Variants in MSRB3 observed in about 807,000 individuals in gnomAD.
MSRB3 encodes methionine sulfoxide reductase B3.
A neutral mutation model predicts 21.0 loss-of-function variants in MSRB3; 13 were observed. The ratio of observed to expected loss-of-function variants is 0.62; its 90% CI spans 0.40 to 0.98. The LOEUF (loss-of-function observed/expected upper bound fraction) is 0.98. Ranked by LOEUF, MSRB3 falls within the 50% of genes least tolerant of loss-of-function variation. The pLI is 0.00. For synonymous variants in MSRB3, 87 were observed against 88.6 expected (o/e 0.98, Z 0.10); for missense variants, 199 against 230.3 (o/e 0.86, Z 0.88).
At chr12:65,295,208 A>G (rs56277068) in intron 1 of MSRB3, among the ~76,000 whole-genome samples, 6,400 of 152,230 alleles carry the variant, frequency 0.042, 434 homozygotes, top group African/African-American at 0.15. Flanking sequence ...TAAAAACATC[A>G]TTGAGCCTTA....
intron 2 of MSRB3, among the ~76,000 whole-genome samples, chr12:65,312,160 G>A (rs1874027903): frequency 6.6e-6 from 1 of 152,006 alleles, no homozygotes; most frequent in South Asian, 2.1e-4. Context: ...TCATCTTTAT[G>A]AGGAATTAAA....
chr12:65,455,247 A>G (rs1322681202), intron 6 of MSRB3, among the ~76,000 whole-genome samples: 2 of 145,198 alleles, frequency 1.4e-5, no homozygotes, highest in East Asian at 3.9e-4. Flanking sequence ...TTTTTATTAA[A>G]AAAAAAAAAA....
chr12:65,455,454 G>A (rs769008435), intron 6 of MSRB3, among the ~76,000 whole-genome samples: 1 of 152,078 alleles, frequency 6.6e-6, no homozygotes, highest in African/African-American at 2.4e-5. Flanking sequence ...GGTTTAGTGT[G>A]GGGAGCAGCA....
At chr12:65,291,506 C>G (rs964893869) in intron 1 of MSRB3, among the ~76,000 whole-genome samples, 3 of 150,520 alleles carry the variant, frequency 2.0e-5, no homozygotes, top group African/African-American at 7.3e-5. Flanking sequence ...AAAGCCTGCT[C>G]AAACCTGCCC....
At chr12:65,461,404 T>C (rs75328543) in intron 6 of MSRB3, among the ~76,000 whole-genome samples, 1,867 of 152,310 alleles carry the variant, frequency 0.012, 46 homozygotes, top group African/African-American at 0.043. Context: ...GGTAAAATAA[T>C]ACAAGATTTG....
intron 5 of MSRB3, among the ~76,000 whole-genome samples, chr12:65,405,684 A>G (rs909656254): frequency 5.3e-5 from 8 of 152,166 alleles, no homozygotes; most frequent in African/African-American, 1.9e-4. Context: ...TGTAAGGTCT[A>G]TACTAATTCC....
At chr12:65,419,165 A>C in intron 5 of MSRB3, 2 of 689,278 alleles carry the variant, frequency 2.9e-6, no homozygotes, top group African/African-American at 1.7e-5. Flanking sequence ...ACCTTGGCCA[A>C]CTGCATGGTG....
At chr12:65,325,631 T>TA (rs957468955) in intron 2 of MSRB3, among the ~76,000 whole-genome samples, 8 of 151,908 alleles carry the variant, frequency 5.3e-5, no homozygotes, top group Middle Eastern at 3.2e-3. Context: ...ACCTTGAACG[T>TA]AAAAAAAACG....
chr12:65,352,863 C>A (rs574817419), intron 4 of MSRB3, among the ~76,000 whole-genome samples: 108 of 151,542 alleles, frequency 7.1e-4, no homozygotes, highest in African/African-American at 2.4e-3. Flanking sequence ...TAGGAAGAAT[C>A]AATATCGTGA....
intron 4 of MSRB3, among the ~76,000 whole-genome samples, chr12:65,335,730 T>G (rs1875724457): frequency 6.6e-6 from 1 of 152,182 alleles, no homozygotes. Flanking sequence ...TTACGATATT[T>G]AACAACCATT....
intron 5 of MSRB3, among the ~76,000 whole-genome samples, chr12:65,439,382 A>C (rs1592639325): frequency 6.6e-6 from 1 of 151,784 alleles, no homozygotes; most frequent in South Asian, 2.1e-4. Flanking sequence ...ATGTGTAGTC[A>C]AACTAAATAA....
At chr12:65,289,083 A>G (rs745715930) in intron 1 of MSRB3, among the ~76,000 whole-genome samples, 4 of 152,232 alleles carry the variant, frequency 2.6e-5, no homozygotes, top group Non-Finnish European at 4.4e-5. Context: ...CCATAGTCCT[A>G]TATTTTGTGA....
chr12:65,417,338 T>C (rs1048363743), intron 5 of MSRB3, among the ~76,000 whole-genome samples: 4 of 152,188 alleles, frequency 2.6e-5, no homozygotes, highest in Non-Finnish European at 5.9e-5. Context: ...TAGATTAAAA[T>C]AGCTTATTTT....
chr12:65,331,856 A>G (rs1875444947), intron 4 of MSRB3, among the ~76,000 whole-genome samples: 2 of 152,218 alleles, frequency 1.3e-5, no homozygotes, highest in South Asian at 4.1e-4. Flanking sequence ...GGCACTAGAG[A>G]AGCTGCCCAC....
chr12:65,358,754 C>G (rs957064269), intron 4 of MSRB3, among the ~76,000 whole-genome samples: 1 of 151,918 alleles, frequency 6.6e-6, no homozygotes, highest in African/African-American at 2.4e-5. Flanking sequence ...AGTTCATTCT[C>G]CACATAACAG....
At chr12:65,402,876 G>T (rs745634782) in intron 5 of MSRB3, among the ~76,000 whole-genome samples, 8 of 152,192 alleles carry the variant, frequency 5.3e-5, no homozygotes, top group Non-Finnish European at 7.3e-5. Context: ...CTGCAAGTCT[G>T]CTGGAGTTTG....
At chr12:65,330,353 C>A (rs949487990) in intron 4 of MSRB3, among the ~76,000 whole-genome samples, 1 of 152,148 alleles carries the variant, frequency 6.6e-6, no homozygotes, top group Non-Finnish European at 1.5e-5. Flanking sequence ...ACAAGGAGAG[C>A]TTTTATTTTC....
chr12:65,356,434 A>G (rs1054707899), intron 4 of MSRB3, among the ~76,000 whole-genome samples: 1 of 151,860 alleles, frequency 6.6e-6, no homozygotes, highest in African/African-American at 2.4e-5. Flanking sequence ...TTTCAATGTG[A>G]AAGTTTATAC....
intron 6 of MSRB3, among the ~76,000 whole-genome samples, chr12:65,457,608 T>C (rs1039025960): frequency 2.0e-5 from 3 of 152,138 alleles, no homozygotes; most frequent in Non-Finnish European, 4.4e-5. Context: ...GGAATCTAAT[T>C]AAACTAAAGA....
Sources: gnomAD v4.1 joint callset for allele counts (sites outside exome capture counted in the v4.1 genomes callset) on GRCh38, gnomAD v4.1.1 for gene constraint, MANE v1.5 for transcripts, NCBI Gene and HGNC (gene_info 2026-07-23, HGNC 2026-07-21) for gene names.